SNX10: variants seen among roughly 807,000 people sequenced by gnomAD.
The protein encoded by SNX10 is sorting nexin 10, also known as sorting nexin-10.
Under a neutral mutation model 28.5 loss-of-function variants are expected in SNX10, and 25 were observed. The ratio of observed to expected loss-of-function variants is 0.88; its 90% CI spans 0.64 to 1.22. The LOEUF is 1.22. SNX10 is among the 50% of genes most tolerant of loss of function. The pLI is 0.00. For synonymous variants in SNX10, 62 were observed against 81.4 expected (o/e 0.76, Z 1.28); for missense variants, 223 against 242.6 (o/e 0.92, Z 0.54).
At chr7:26,295,509 A>G (rs1786074898) in intron 1 of SNX10, among the ~76,000 whole-genome samples, 1 of 152,228 alleles carries the variant, frequency 6.6e-6, no homozygotes, top group Non-Finnish European at 1.5e-5. Context: ...TGAGGCTACC[A>G]AGGCCCAATG....
At chr7:26,329,159 G>A (rs1450412822) in intron 1 of SNX10, among the ~76,000 whole-genome samples, 1 of 152,204 alleles carries the variant, frequency 6.6e-6, no homozygotes, top group African/African-American at 2.4e-5. Context: ...TCCTCACTGT[G>A]GTCCACAGGC....
intron 2 of SNX10, among the ~76,000 whole-genome samples, chr7:26,347,896 G>A (rs1788450920): frequency 6.6e-6 from 1 of 152,076 alleles, no homozygotes; most frequent in South Asian, 2.1e-4. Flanking sequence ...AATATGTATA[G>A]TAAAATGCAT....
intron 1 of SNX10, among the ~76,000 whole-genome samples, chr7:26,335,037 G>A (rs1366880269): frequency 6.6e-6 from 1 of 152,138 alleles, no homozygotes; most frequent in African/African-American, 2.4e-5. Context: ...CCAAACTGGG[G>A]TCACCTTCAA....
intron 1 of SNX10, among the ~76,000 whole-genome samples, chr7:26,312,676 C>T (rs1319496825): frequency 6.6e-6 from 1 of 152,098 alleles, no homozygotes; most frequent in African/African-American, 2.4e-5. Flanking sequence ...CCCAGCTACT[C>T]AAGAGGCTGA....
intron 1 of SNX10, among the ~76,000 whole-genome samples, chr7:26,312,709 G>C (rs1786896435): frequency 6.6e-6 from 1 of 152,090 alleles, no homozygotes; most frequent in African/African-American, 2.4e-5. Flanking sequence ...GCTTGAACCC[G>C]GGAGGCGGAG....
chr7:26,336,273 AAAAG>A (rs1159299614), intron 1 of SNX10, among the ~76,000 whole-genome samples: 2 of 152,224 alleles, frequency 1.3e-5, no homozygotes, highest in Non-Finnish European at 2.9e-5. Context: ...AATACAGAAA[AAAAG>A]GAAGTAAAAA....
intron 1 of SNX10, among the ~76,000 whole-genome samples, chr7:26,338,637 C>G (rs1417529507): frequency 1.3e-5 from 2 of 152,160 alleles, no homozygotes; most frequent in African/African-American, 4.8e-5. Context: ...ATCTCCTGAC[C>G]TCGTGATCCG....
chr7:26,347,512 C>A (rs1788434191), intron 2 of SNX10, among the ~76,000 whole-genome samples: 1 of 152,156 alleles, frequency 6.6e-6, no homozygotes, highest in South Asian at 2.1e-4. Flanking sequence ...CACACTTCAG[C>A]CCCGGCGACA....
At chr7:26,302,471 TCTCC>T (rs35323038) in intron 1 of SNX10, among the ~76,000 whole-genome samples, 46,532 of 151,868 alleles carry the variant, frequency 0.31, 7,760 homozygotes, top group South Asian at 0.44. Flanking sequence ...ATTCACATGG[TCTCC>T]CTCTGTGTGC....
Position 26,372,729 on chromosome 7 carries a change from A to T in SNX10, c.*157A>T, listed in dbSNP as rs1407668357. On this transcript the variant is annotated 3_prime_UTR_variant, in exon 7 of 7. Transcript: ENST00000338523. Reference sequence around the variant, plus strand: ...TGGGTTGTTTATTAGTGGTATTTTTATGTTGTCTTATTTTAGGTAAGCTTC... The same window carrying T: ...TGGGTTGTTTATTAGTGGTATTTTTTTGTTGTCTTATTTTAGGTAAGCTTC... 1 of 558,424 alleles carries T rather than the reference A, an allele frequency of 1.8e-6. No individual in the cohort carries two copies. Among genetic ancestry groups the T allele is most frequent in the East Asian group, 2.9e-5 (1 of 34,820 alleles). 34.6% of individuals were successfully genotyped at this position (558,424 alleles called of 1,614,324 possible).
intron 1 of SNX10, among the ~76,000 whole-genome samples, chr7:26,294,277 A>G (rs990648408): frequency 1.3e-5 from 2 of 152,196 alleles, no homozygotes; most frequent in South Asian, 2.1e-4. Context: ...AGAGGAAGGT[A>G]TATAGTGTAG....
chr7:26,344,466 C>G (rs1430356294), intron 1 of SNX10, among the ~76,000 whole-genome samples: 2 of 151,998 alleles, frequency 1.3e-5, no homozygotes, highest in African/African-American at 4.8e-5. Flanking sequence ...ACCACCTGGC[C>G]TCTGCCTCTG....
intron 1 of SNX10, among the ~76,000 whole-genome samples, chr7:26,335,651 C>A (rs1209619507): frequency 6.7e-6 from 1 of 150,292 alleles, no homozygotes; most frequent in African/African-American, 2.5e-5. Flanking sequence ...GAGCCAAGGG[C>A]ATAGGTAGTA....
chr7:26,356,144 C>CA (rs1469560371), intron 2 of SNX10, among the ~76,000 whole-genome samples: 1 of 152,082 alleles, frequency 6.6e-6, no homozygotes, highest in Non-Finnish European at 1.5e-5. Flanking sequence ...ACATTGAAAT[C>CA]AAAGGCTGAT....
intron 5 of SNX10, among the ~76,000 whole-genome samples, chr7:26,367,273 T>C (rs1275332146): frequency 6.6e-6 from 1 of 152,180 alleles, no homozygotes; most frequent in East Asian, 1.9e-4. Context: ...CTGCACAGAA[T>C]GAACAAGTCC....
At chr7:26,311,696 A>G (rs1462047253) in intron 1 of SNX10, among the ~76,000 whole-genome samples, 1 of 152,190 alleles carries the variant, frequency 6.6e-6, no homozygotes, top group Non-Finnish European at 1.5e-5. Context: ...CTATAGGAAC[A>G]TGGAATTCTG....
chr7:26,307,898 G>A (rs1786660301), intron 1 of SNX10, among the ~76,000 whole-genome samples: 1 of 152,048 alleles, frequency 6.6e-6, no homozygotes, highest in African/African-American at 2.4e-5. Flanking sequence ...TTTTGATGAA[G>A]CTCATGGCTT....
intron 1 of SNX10, among the ~76,000 whole-genome samples, chr7:26,297,174 G>T (rs1200478700): frequency 1.3e-5 from 2 of 152,208 alleles, no homozygotes; most frequent in Non-Finnish European, 2.9e-5. Context: ...TCAGCTCACT[G>T]CAACCTCTGC....
chr7:26,305,518 G>A (rs1320553005), intron 1 of SNX10, among the ~76,000 whole-genome samples: 1 of 152,208 alleles, frequency 6.6e-6, no homozygotes. Flanking sequence ...TTAGGGGGCA[G>A]GCAGTGTTAC....
Sources: allele counts gnomAD v4.1 joint callset (sites outside exome capture counted in the v4.1 genomes callset), GRCh38; gene constraint gnomAD v4.1.1; transcripts MANE v1.5; gene names NCBI Gene and HGNC (gene_info 2026-07-23, HGNC 2026-07-21).